The following ACTA2 variants were observed in gnomAD, a reference collection of about 807,000 sequenced individuals.
ACTA2 encodes the protein actin, aortic smooth muscle.
ACTA2 carries 12 observed loss-of-function variants against 39.5 expected under a neutral mutation model. The ratio of observed to expected loss-of-function variants is 0.30; its 90% CI spans 0.19 to 0.49. The LOEUF is 0.49. Among genes scored for constraint, ACTA2 ranks in the 20% least tolerant of loss-of-function variants. ACTA2 has a pLI of 0.99. For synonymous variants in ACTA2, 158 were observed against 180.6 expected (o/e 0.88, Z 1.00); for missense variants, 236 against 498.8 (o/e 0.47, Z 5.02).
chr10:88,953,276 T>C (rs1343550458), upstream of ACTA2, among the ~76,000 whole-genome samples: 1 of 152,160 alleles, frequency 6.6e-6, no homozygotes, highest in Non-Finnish European at 1.5e-5. Context: ...GAGGGAGTGA[T>C]GATTTTATGG....
At chr10:88,966,286 A>T (rs1389083371) in intron 1 of ACTA2, among the ~76,000 whole-genome samples, 1 of 152,192 alleles carries the variant, frequency 6.6e-6, no homozygotes, top group African/African-American at 2.4e-5. Context: ...TCCCAGGCTT[A>T]TGTCCTCAGA....
At chr10:88,975,137 G>A in intron 1 of ACTA2, 1 of 144,744 alleles carries the variant, frequency 6.9e-6, no homozygotes, top group Non-Finnish European at 1.5e-5. Context: ...AGTGAAACCA[G>A]AATGCTGTCA....
intron 1 of ACTA2, among the ~76,000 whole-genome samples, chr10:88,972,995 G>A (rs1030056306): frequency 1.3e-5 from 2 of 152,196 alleles, no homozygotes; most frequent in Non-Finnish European, 2.9e-5. Context: ...AAGAAACACT[G>A]CAGAATACTA....
chr10:88,983,901 G>T (rs1379972419), intron 1 of ACTA2, among the ~76,000 whole-genome samples: 2 of 152,148 alleles, frequency 1.3e-5, no homozygotes, highest in African/African-American at 4.8e-5. Context: ...TGCAAAGGCT[G>T]ATAAAGGCCT....
intron 1 of ACTA2, among the ~76,000 whole-genome samples, chr10:88,987,685 G>A (rs1296803503): frequency 6.6e-6 from 1 of 152,194 alleles, no homozygotes; most frequent in Non-Finnish European, 1.5e-5. Flanking sequence ...CTTAAGCCAA[G>A]TCACATTTCC....
intron 3 of ACTA2, among the ~76,000 whole-genome samples, chr10:88,945,889 T>G (rs1845938037): frequency 6.6e-6 from 1 of 152,192 alleles, no homozygotes; most frequent in South Asian, 2.1e-4. Context: ...TATATTGCAC[T>G]GAGAGGGATA....
chr10:88,960,375 C>T (rs914875581), intron 1 of ACTA2, among the ~76,000 whole-genome samples: 10 of 152,102 alleles, frequency 6.6e-5, no homozygotes, highest in African/African-American at 2.4e-4. Context: ...TCTGTGAAGA[C>T]TAGCTGATAG....
intron 1 of ACTA2, among the ~76,000 whole-genome samples, chr10:88,961,324 A>G (rs772928382): frequency 4.7e-4 from 72 of 152,188 alleles, no homozygotes; most frequent in Admixed American, 9.8e-4. Context: ...ATGCAAGATG[A>G]CCTCAGGGCT....
intron 1 of ACTA2, among the ~76,000 whole-genome samples, chr10:88,972,909 G>T (rs560840963): frequency 2.9e-4 from 44 of 152,162 alleles, no homozygotes; most frequent in African/African-American, 1.0e-3. Context: ...TAGGATACTA[G>T]GTGTTTTAGA....
chr10:88,937,998 A>G, intron 8 of ACTA2, 63 bp downstream of exon 8: 2 of 1,588,610 alleles, frequency 1.3e-6, no homozygotes, highest in Non-Finnish European at 1.7e-6. Flanking sequence ...AAGAGTTCTT[A>G]TCTGTGGTTA....
At chr10:88,976,544 T>C (rs1004332345) in intron 1 of ACTA2, among the ~76,000 whole-genome samples, 1 of 152,162 alleles carries the variant, frequency 6.6e-6, no homozygotes, top group Non-Finnish European at 1.5e-5. Flanking sequence ...CCCTAAAATT[T>C]TGTAGTTCTA....
At chr10:88,945,589 A>G (rs1845931474) in intron 3 of ACTA2, among the ~76,000 whole-genome samples, 1 of 152,190 alleles carries the variant, frequency 6.6e-6, no homozygotes, top group Non-Finnish European at 1.5e-5. Context: ...CTTAGAATTT[A>G]GCTCTTCTTC....
upstream of ACTA2, among the ~76,000 whole-genome samples, chr10:88,955,210 T>A (rs1757852029): frequency 6.6e-6 from 1 of 152,212 alleles, no homozygotes; most frequent in Non-Finnish European, 1.5e-5. Context: ...TATTGTAAAT[T>A]CCTTGAGCGC....
intron 1 of ACTA2, among the ~76,000 whole-genome samples, chr10:88,958,308 G>A (rs1035665350): frequency 1.3e-5 from 2 of 152,188 alleles, no homozygotes; most frequent in African/African-American, 4.8e-5. Flanking sequence ...ATTCTGAAGT[G>A]AGGGCAAATA....
intron 1 of ACTA2, among the ~76,000 whole-genome samples, chr10:88,989,916 A>C (rs1340682424): frequency 6.6e-6 from 1 of 152,206 alleles, no homozygotes; most frequent in East Asian, 1.9e-4. Flanking sequence ...AATTCATGCT[A>C]AACTACCTAA....
intron 7 of ACTA2, chr10:88,939,300 C>T (rs1400418948): frequency 6.3e-6 from 4 of 634,750 alleles, no homozygotes; most frequent in African/African-American, 3.7e-5. Flanking sequence ...TTAACTGCAA[C>T]ATAGATAGTG....
At chr10:88,948,732 C>T (rs1458181755) in intron 2 of ACTA2, 70 bp downstream of exon 2, 1 of 1,602,638 alleles carries the variant, frequency 6.2e-7, no homozygotes, top group African/African-American at 1.3e-5. Context: ...GATAGACAAT[C>T]TGGGGATAAA....
intron 7 of ACTA2, chr10:88,939,288 G>T (rs1845803435): frequency 3.3e-6 from 2 of 606,182 alleles, no homozygotes; most frequent in South Asian, 3.8e-5. Flanking sequence ...AATGCTTTGG[G>T]CTTAACTGCA....
At chr10:88,971,085 G>A (rs776966525) in intron 1 of ACTA2, among the ~76,000 whole-genome samples, 22 of 152,132 alleles carry the variant, frequency 1.4e-4, no homozygotes, top group African/African-American at 2.9e-4. Context: ...ACATTTTCCC[G>A]AATAATGGCG....
Sources: gnomAD v4.1 joint callset for allele counts (sites outside exome capture counted in the v4.1 genomes callset) on GRCh38, gnomAD v4.1.1 for gene constraint, MANE v1.5 for transcripts, NCBI Gene and HGNC (gene_info 2026-07-23, HGNC 2026-07-21) for gene names.